The following LOC102723971 variants were observed in gnomAD, a reference collection of about 807,000 sequenced individuals.
At chr9:135,616,011 C>T in the LOC102723971 span, among the ~76,000 whole-genome samples, 34,870 of 152,196 alleles carry the variant, frequency 0.23, 4,156 homozygotes, top group African/African-American at 0.25. Flanking sequence ...CAGTTAGACC[C>T]ACATCCTAGC....
the LOC102723971 span, chr9:135,618,807 G>A: frequency 2.8e-5 from 11 of 397,742 alleles, no homozygotes; most frequent in Admixed American, 4.4e-5. Flanking sequence ...TGGGGAGGCA[G>A]AAGGCCCAGT....
At chr9:135,615,780 G>A in the LOC102723971 span, among the ~76,000 whole-genome samples, 234 of 152,268 alleles carry the variant, frequency 1.5e-3, no homozygotes, top group Non-Finnish European at 2.8e-3. Flanking sequence ...TTAAATGTGC[G>A]ATCTCCAGTG....
the LOC102723971 span, among the ~76,000 whole-genome samples, chr9:135,619,773 G>C: frequency 1.9e-4 from 29 of 151,950 alleles, no homozygotes; most frequent in African/African-American, 7.0e-4. Context: ...TTGGGTCAGG[G>C]ACTCAATACT....
chr9:135,614,357 G>C, the LOC102723971 span: 1 of 398,388 alleles, frequency 2.5e-6, no homozygotes, highest in Non-Finnish European at 4.4e-6. Flanking sequence ...GAAGGTACGT[G>C]TCATGGGTCC....
chr9:135,618,028 G>A, the LOC102723971 span: 67 of 398,540 alleles, frequency 1.7e-4, no homozygotes, highest in East Asian at 1.4e-3. Flanking sequence ...AGAAAGCCCC[G>A]GTCTTCAACA....
the LOC102723971 span, among the ~76,000 whole-genome samples, chr9:135,617,543 G>A: frequency 9.2e-5 from 14 of 152,282 alleles, no homozygotes; most frequent in East Asian, 2.7e-3. Context: ...ATGGGGTGGG[G>A]GAGCGGGGCA....
chr9:135,617,813 G>A, the LOC102723971 span: 1 of 395,556 alleles, frequency 2.5e-6, no homozygotes, highest in Non-Finnish European at 4.5e-6. Context: ...CCCAGACTGT[G>A]TCGTGGCAAC....
chr9:135,616,386 A>G, the LOC102723971 span, among the ~76,000 whole-genome samples: 3 of 152,188 alleles, frequency 2.0e-5, no homozygotes, highest in African/African-American at 7.2e-5. Context: ...TCCTGGCTGC[A>G]TGACCCTGGT....
At chr9:135,617,876 C>T in the LOC102723971 span, 29 of 398,098 alleles carry the variant, frequency 7.3e-5, no homozygotes, top group Non-Finnish European at 1.2e-4. Flanking sequence ...TTGTTCTCCG[C>T]AGAGGAGGAG....
At chr9:135,618,967 G>C in the LOC102723971 span, 184 of 401,014 alleles carry the variant, frequency 4.6e-4, no homozygotes, top group Non-Finnish European at 7.5e-4. Context: ...AGGTCTGGCG[G>C]TTCTGGAGTC....
the LOC102723971 span, chr9:135,616,739 G>A: frequency 2.0e-5 from 8 of 398,462 alleles, no homozygotes; most frequent in South Asian, 1.3e-4. Flanking sequence ...GTCCAGTCCC[G>A]GCCGCAACAC....
the LOC102723971 span, chr9:135,614,458 A>G: frequency 0.89 from 340,366 of 382,630 alleles, 152,364 homozygotes; most frequent in Admixed American, 0.94. Flanking sequence ...CGGGGTTCAG[A>G]TCCTGCCTGA....
At chr9:135,614,340 A>G in the LOC102723971 span, 1 of 397,518 alleles carries the variant, frequency 2.5e-6, no homozygotes. Context: ...CCGGGCTTCA[A>G]TGCGCAGAAG....
At chr9:135,616,902 C>T in the LOC102723971 span, 1 of 398,492 alleles carries the variant, frequency 2.5e-6, no homozygotes, top group African/African-American at 2.1e-5. Context: ...CCCGGGGTCT[C>T]CAACAGTCGA....
the LOC102723971 span, chr9:135,614,409 A>G: frequency 5.7e-5 from 15 of 263,714 alleles, no homozygotes; most frequent in Non-Finnish European, 7.1e-6. Context: ...TGAGTGTCAC[A>G]TTGAGGAGGT....
chr9:135,614,444 G>A, the LOC102723971 span: 1 of 387,158 alleles, frequency 2.6e-6, no homozygotes, highest in Non-Finnish European at 4.6e-6. Flanking sequence ...AGACAGGGGG[G>A]TGCCGGGGTT....
chr9:135,614,901 G>A, the LOC102723971 span, among the ~76,000 whole-genome samples: 1 of 152,184 alleles, frequency 6.6e-6, no homozygotes, highest in Non-Finnish European at 1.5e-5. Flanking sequence ...ACAGAGCTTG[G>A]ACCAGGCAGA....
chr9:135,615,485 G>A, the LOC102723971 span: 2 of 398,620 alleles, frequency 5.0e-6, no homozygotes, highest in Admixed American at 4.4e-5. Context: ...CGTGGACTTC[G>A]TGCTGTTCTG....
At chr9:135,618,566 T>G in the LOC102723971 span, among the ~76,000 whole-genome samples, 3,106 of 151,890 alleles carry the variant, frequency 0.02, 99 homozygotes, top group African/African-American at 0.071. Context: ...GAGCAAGGTT[T>G]GAGGAGCATG....
Sources: allele counts gnomAD v4.1 joint callset (sites outside exome capture counted in the v4.1 genomes callset), GRCh38; gene constraint gnomAD v4.1.1; transcripts MANE v1.5.